The following NXPH1 variants were observed in gnomAD, a reference collection of about 807,000 sequenced individuals.
The protein encoded by NXPH1 is neurexophilin 1.
NXPH1 carries 5 observed loss-of-function variants against 23.7 expected under a neutral mutation model. The observed-to-expected ratio is 0.21, with a 90% CI of 0.11 to 0.44. NXPH1 has a LOEUF of 0.44. NXPH1 is among the 20% of genes least tolerant of loss of function. NXPH1 has a pLI of 0.99. For synonymous variants in NXPH1, 144 were observed against 122.2 expected, an observed-to-expected ratio of 1.18 and a Z score of -1.18; for missense variants, 324 against 321.6, an observed-to-expected ratio of 1.01 and a Z score of -0.06.
chr7:8,619,891 C>T (rs111493620), intron 2 of NXPH1, among the ~76,000 whole-genome samples: 5 of 152,298 alleles, frequency 3.3e-5, no homozygotes, highest in African/African-American at 1.2e-4. Flanking sequence ...TTGAGACTTG[C>T]TTCCTCAACT....
intron 2 of NXPH1, among the ~76,000 whole-genome samples, chr7:8,436,349 C>T (rs531755985): frequency 6.6e-6 from 1 of 152,352 alleles, no homozygotes; most frequent in East Asian, 1.9e-4. Context: ...AACATGTCCA[C>T]CTTCCTCTCG....
chr7:8,524,770 C>T (rs902705554), intron 2 of NXPH1, among the ~76,000 whole-genome samples: 1 of 152,134 alleles, frequency 6.6e-6, no homozygotes, highest in Non-Finnish European at 1.5e-5. Context: ...TTGCTTCATC[C>T]TCATTTTTCT....
intron 2 of NXPH1, among the ~76,000 whole-genome samples, chr7:8,520,977 T>C (rs1020279630): frequency 4.6e-5 from 7 of 152,220 alleles, no homozygotes; most frequent in African/African-American, 1.7e-4. Flanking sequence ...TCATTTGTCT[T>C]GTAAGCTGCA....
intron 2 of NXPH1, among the ~76,000 whole-genome samples, chr7:8,641,554 T>G (rs1242968192): frequency 6.6e-6 from 1 of 152,172 alleles, no homozygotes; most frequent in Non-Finnish European, 1.5e-5. Flanking sequence ...ATTTTCAACA[T>G]TTTTAGCAGT....
intron 2 of NXPH1, among the ~76,000 whole-genome samples, chr7:8,610,373 T>C (rs1387451742): frequency 3.3e-5 from 5 of 152,164 alleles, no homozygotes; most frequent in Admixed American, 6.6e-5. Flanking sequence ...TTCCTTATAA[T>C]TTTCTGTCTA....
intron 2 of NXPH1, among the ~76,000 whole-genome samples, chr7:8,506,291 C>A (rs570817333): frequency 2.6e-5 from 4 of 152,152 alleles, no homozygotes; most frequent in African/African-American, 9.6e-5. Context: ...GTCAAAGACC[C>A]AAGTTTGAGT....
intron 2 of NXPH1, among the ~76,000 whole-genome samples, chr7:8,650,332 T>A (rs774776619): frequency 5.3e-5 from 8 of 152,230 alleles, no homozygotes; most frequent in Non-Finnish European, 1.2e-4. Context: ...TTCATCTACA[T>A]AGAAGAAACA....
chr7:8,498,844 G>T (rs1817383886), intron 2 of NXPH1, among the ~76,000 whole-genome samples: 1 of 152,072 alleles, frequency 6.6e-6, no homozygotes. Flanking sequence ...GAAATGTGAT[G>T]TCAGTCAAAT....
At chr7:8,713,370 T>G (rs1462443988) in intron 2 of NXPH1, among the ~76,000 whole-genome samples, 1 of 152,246 alleles carries the variant, frequency 6.6e-6, no homozygotes, top group Non-Finnish European at 1.5e-5. Context: ...CTTGAATTTC[T>G]CTGCATTTCC....
intron 2 of NXPH1, among the ~76,000 whole-genome samples, chr7:8,738,662 T>A (rs1239277923): frequency 6.6e-6 from 1 of 152,204 alleles, no homozygotes; most frequent in Non-Finnish European, 1.5e-5. Flanking sequence ...TGCTGGGAGA[T>A]CTGCTGCTCT....
intron 2 of NXPH1, among the ~76,000 whole-genome samples, chr7:8,487,494 A>G (rs962122222): frequency 1.3e-5 from 2 of 152,100 alleles, no homozygotes; most frequent in Admixed American, 6.6e-5. Flanking sequence ...TCCTTTATAA[A>G]TTACCTATTC....
chr7:8,710,325 G>A (rs78475479), intron 2 of NXPH1, among the ~76,000 whole-genome samples: 6,189 of 152,234 alleles, frequency 0.041, 429 homozygotes, highest in African/African-American at 0.14. Context: ...CCAGGCAGCT[G>A]GGGCAAATGG....
In NXPH1 at chr7:8,751,992, C is replaced by T; in HGVS notation, c.*223C>T. On this transcript the variant is annotated 3_prime_UTR_variant, in exon 3 of 3. Coordinates refer to ENST00000405863, the MANE Select transcript of NXPH1 (RefSeq NM_152745.3). The surrounding 1 kb of genome is among the most constrained non-coding windows in gnomAD (Gnocchi z 4.5). ...TAAATCATCACAGATTTTGAATTCA[C>T]ACCTGAAGACATGCTCTCACATATA... is the stretch of plus-strand genomic sequence containing the variant. 1 of 509,508 alleles carries T rather than the reference C, an allele frequency of 2.0e-6. No homozygotes were observed. The highest frequency in any genetic ancestry group is 2.8e-5 in the South Asian group (1 of 35,530). 31.6% of individuals were successfully genotyped at this position (509,508 alleles called of 1,614,324 possible). A position where few individuals can be genotyped will look rare whatever the true frequency, so the allele number is the denominator to read the frequency against.
At chr7:8,455,726 C>T (rs1158906926) in intron 2 of NXPH1, among the ~76,000 whole-genome samples, 1 of 152,312 alleles carries the variant, frequency 6.6e-6, no homozygotes, top group African/African-American at 2.4e-5. Context: ...TATCAGCATC[C>T]TCTCTTCGTT....
chr7:8,702,299 C>A (rs1463556384), intron 2 of NXPH1, among the ~76,000 whole-genome samples: 1 of 152,062 alleles, frequency 6.6e-6, no homozygotes, highest in Non-Finnish European at 1.5e-5. Context: ...ATTGAAACAT[C>A]ACACTGTACC....
chr7:8,642,661 A>G (rs75479718), intron 2 of NXPH1, among the ~76,000 whole-genome samples: 235 of 152,280 alleles, frequency 1.5e-3, no homozygotes, highest in Non-Finnish European at 2.8e-3. Context: ...CATGAATATC[A>G]TCAATAAATA....
At chr7:8,587,874 C>G (rs1272584524) in intron 2 of NXPH1, among the ~76,000 whole-genome samples, 2 of 151,992 alleles carry the variant, frequency 1.3e-5, no homozygotes, top group Non-Finnish European at 2.9e-5. Flanking sequence ...TTTTCTTTAT[C>G]CAGTCTATCA....
chr7:8,479,409 A>C (rs1320308170), intron 2 of NXPH1, among the ~76,000 whole-genome samples: 3 of 152,146 alleles, frequency 2.0e-5, no homozygotes, highest in Non-Finnish European at 4.4e-5. Flanking sequence ...GTTGCAGAAG[A>C]AAGGAGATAC....
chr7:8,435,561 T>A lies in NXPH1; in HGVS notation c.-110-43T>A. On this transcript the variant is annotated intron_variant, in intron 1 of 2. Transcript: ENST00000405863. This position sits in a 1 kb window ranked among gnomAD's most constrained non-coding sequence, Gnocchi z 5.9. ...CCCCGCTTGATTGTCAAGCCTAACC[T>A]TGCCCGCGTAGTCATGGGATGTCTA... The A allele has an allele frequency of 7.6e-6, 5 of 661,534 alleles. No homozygotes were observed. The highest frequency in any genetic ancestry group is 1.7e-5 in the South Asian group (1 of 58,280). The allele number at this position is 661,534 out of a possible 1,614,324, so 41.0% of individuals were successfully genotyped here.
Sources: gnomAD v4.1 joint callset for allele counts (sites outside exome capture counted in the v4.1 genomes callset) on GRCh38, gnomAD v4.1.1 for gene constraint, Gnocchi (gnomAD v3.1) non-coding constraint, MANE v1.5 for transcripts, NCBI Gene and HGNC (gene_info 2026-07-23, HGNC 2026-07-21) for gene names.